ADH4: variants seen among roughly 807,000 people sequenced by gnomAD.
The protein encoded by ADH4 is alcohol dehydrogenase 4 (class II), pi polypeptide.
In ADH4, 31 loss-of-function variants were observed where a neutral mutation model predicts 35.2. The ratio of observed to expected loss-of-function variants is 0.88; its 90% CI spans 0.66 to 1.19. The LOEUF is 1.19. ADH4 is among the 50% of genes most tolerant of loss of function. ADH4 has a pLI of 0.00. For synonymous variants in ADH4, 171 were observed against 160.2 expected (o/e 1.07, Z -0.51); for missense variants, 476 against 458.3 (o/e 1.04, Z -0.35).
intron 8 of ADH4, 92 bp from the exon 9 acceptor site, chr4:99,124,558 C>A: frequency 1.3e-6 from 1 of 768,788 alleles, no homozygotes; most frequent in Non-Finnish European, 2.1e-6. Flanking sequence ...ATTTCAGGAT[C>A]TGGTCTTCCT....
At chr4:99,142,606 G>T in intron 2 of ADH4, 73 bp downstream of exon 2, 1 of 930,050 alleles carries the variant, frequency 1.1e-6, no homozygotes, top group Non-Finnish European at 1.5e-6. Context: ...ATAGCACAGA[G>T]GATTGACCTG....
chr4:99,130,405 A>T (rs29001216), intron 6 of ADH4, among the ~76,000 whole-genome samples: 32,024 of 152,114 alleles, frequency 0.21, 4,041 homozygotes, highest in Non-Finnish European at 0.29. Context: ...GGTCCTTAGC[A>T]GGTGTTAGTA....
chr4:99,124,509 T>C, intron 8 of ADH4, 43 bp from the exon 9 acceptor site: 1 of 1,244,058 alleles, frequency 8.0e-7, no homozygotes, highest in Admixed American at 2.2e-5. Flanking sequence ...ATTTTCATGA[T>C]AAATTTAACC....
intron 3 of ADH4, 38 bp downstream of exon 3, chr4:99,141,503 T>C (rs1168368846): frequency 6.3e-7 from 1 of 1,583,998 alleles, no homozygotes; most frequent in Admixed American, 1.8e-5. Context: ...CTCTGAAATA[T>C]TGTGACATTT....
rs533541664 is a variant in ADH4, at chr4:99,133,559, A to G, written c.583-1795T>C. The G allele has an allele frequency of 2.0e-5, 3 of 152,280 alleles. No homozygotes were observed. The East Asian group carries it at 5.8e-4, about 29-fold the overall frequency. 9.4% of individuals were successfully genotyped at this position (152,280 alleles called of 1,614,324 possible). A position where few individuals can be genotyped will look rare whatever the true frequency, so the allele number is the denominator to read the frequency against. ...TCCTTAATTTCTTCCTATCAGATTC[A>G]TTTCTCTCTGAGGATCTCATGAGGT... On this transcript the variant is annotated intron_variant, in intron 5 of 8. Coordinates refer to ENST00000265512, the MANE Select transcript of ADH4 (RefSeq NM_000670.5).
At position 99,124,316 on chromosome 4, in the gene ADH4, G is replaced by A. The variant is rs190646379; in HGVS notation, c.*126C>T. 41 of 668,116 alleles carry A rather than the reference G, an allele frequency of 6.1e-5. No individual in the cohort carries two copies. The highest frequency in any genetic ancestry group is 3.7e-4 in the Middle Eastern group (1 of 2,680). The allele number at this position is 668,116 out of a possible 1,614,324, so 41.4% of individuals were successfully genotyped here. A position where few individuals can be genotyped will look rare whatever the true frequency, so the allele number is the denominator to read the frequency against. On this transcript the variant is annotated 3_prime_UTR_variant, in exon 9 of 9. Transcript: ENST00000265512. The stretch of plus-strand genomic sequence containing the variant: ...TCTATAATATTTAAAGCTCTTTTAT[G>A]TTCCCATATTAAATGTAAATATTTG...
intron 4 of ADH4, 101 bp from the exon 5 acceptor site, chr4:99,136,798 G>T: frequency 1.3e-6 from 1 of 778,008 alleles, no homozygotes. Flanking sequence ...ATATATTTTT[G>T]ATGACAATTT....
At chr4:99,129,399 T>A (rs1033511657) in intron 6 of ADH4, among the ~76,000 whole-genome samples, 3 of 152,112 alleles carry the variant, frequency 2.0e-5, no homozygotes, top group Middle Eastern at 3.2e-3. Flanking sequence ...AAGAGGAATT[T>A]ATAAAAAAAT....
At chr4:99,125,062 A>G (rs1278222314) in intron 8 of ADH4, among the ~76,000 whole-genome samples, 1 of 152,144 alleles carries the variant, frequency 6.6e-6, no homozygotes, top group East Asian at 1.9e-4. Flanking sequence ...CTGTAGAAGG[A>G]GAATCTCTGT....
chr4:99,138,656 G>C (rs7670638), intron 4 of ADH4, among the ~76,000 whole-genome samples: 31,975 of 152,080 alleles, frequency 0.21, 4,038 homozygotes, highest in Non-Finnish European at 0.28. Flanking sequence ...GTATAGTATT[G>C]TTTTTGTATA....
Position 99,136,491 on chromosome 4 carries a change from T to C in ADH4, c.557A>G (p.Tyr186Cys), listed in dbSNP as rs1164139348. 2 of 1,613,976 alleles carry C rather than the reference T, an allele frequency of 1.2e-6. No homozygotes were observed. Among genetic ancestry groups the C allele is most frequent in the Non-Finnish European group, 1.7e-6 (2 of 1,180,012 alleles). The change falls in exon 5 of 9, where the codon TAT (tyrosine) becomes TGT (cysteine). Residue 186 changes from tyrosine to cysteine, a missense_variant. Tyr to Cys is a radical substitution (Grantham distance 194). Coordinates refer to ENST00000265512, the MANE Select transcript of ADH4 (RefSeq NM_000670.5). ...CLLGCGFSTG[Y>C]GAAINNAKVT... ...CTTGGCATTGTTGATTGCAGCCCCA[T>C]AGCCAGTTGAAAACCCACATCCAAG...
At position 99,127,240 on chromosome 4, in the gene ADH4, G is replaced by A. The variant is rs192270953; in HGVS notation, c.948C>T (p.Ile316=). 11 of 1,610,356 alleles carry A rather than the reference G, an allele frequency of 6.8e-6. No homozygotes were observed. Among genetic ancestry groups the A allele is most frequent in the African/African-American group, 1.3e-5 (1 of 74,638 alleles). ...AGAATGTTCCATTTATAGTACGGCCGATTATTAGCTCCTCTGGAAAAATAG... is the reference window on the plus strand; with the variant it reads ...AGAATGTTCCATTTATAGTACGGCCAATTATTAGCTCCTCTGGAAAAATAG... ...GLTIFPEELI[I]GRTINGTFFG... is the part of the protein sequence containing the mutation. The change falls in exon 7 of 9, where the codon ATC becomes ATT. Residue 316 remains isoleucine (I), a synonymous_variant. Transcript: ENST00000265512.
intron 5 of ADH4, among the ~76,000 whole-genome samples, chr4:99,132,347 G>A (rs1579396906): frequency 6.6e-6 from 1 of 152,120 alleles, no homozygotes. Context: ...TGCTCCCTCA[G>A]ACTGATGTAC....
intron 3 of ADH4, among the ~76,000 whole-genome samples, chr4:99,139,379 T>C (rs1729541228): frequency 6.6e-6 from 1 of 152,198 alleles, no homozygotes; most frequent in Non-Finnish European, 1.5e-5. Context: ...CAAATCTATG[T>C]TGATATCATC....
intron 2 of ADH4, 84 bp downstream of exon 2, chr4:99,142,595 C>G: frequency 1.3e-6 from 1 of 786,416 alleles, no homozygotes; most frequent in Non-Finnish European, 1.9e-6. Flanking sequence ...GCCTCTGAAT[C>G]ATAGCACAGA....
chr4:99,140,634 G>A (rs897932011), intron 3 of ADH4, among the ~76,000 whole-genome samples: 1 of 152,150 alleles, frequency 6.6e-6, no homozygotes, highest in African/African-American at 2.4e-5. Context: ...TTGGGAGGCC[G>A]AGGTGGGTGG....
chr4:99,132,009 T>C (rs1031695075), intron 5 of ADH4, among the ~76,000 whole-genome samples: 1 of 152,224 alleles, frequency 6.6e-6, no homozygotes, highest in African/African-American at 2.4e-5. Flanking sequence ...ATAATTCCCT[T>C]GTTTTACTTT....
In ADH4 at chr4:99,136,491, TA is replaced by T. The variant is rs1729435933; in HGVS notation, c.556del (p.Tyr186MetfsTer21). 6.2e-7 allele frequency: 1 copy of T among 1,614,094 alleles called. No individual in the cohort carries two copies. The highest frequency in any genetic ancestry group is 8.5e-7 in the Non-Finnish European group (1 of 1,180,004). On this transcript the variant is annotated frameshift_variant, in exon 5 of 9. Coordinates refer to ENST00000265512, the MANE Select transcript of ADH4 (RefSeq NM_000670.5). LOFTEE classifies it high-confidence loss of function. The part of the protein sequence containing the change: ...CLLGCGFSTG[Y>X]GAAINNAKVT... ...CTTGGCATTGTTGATTGCAGCCCCA[TA>T]GCCAGTTGAAAACCCACATCCAAGC...
intron 4 of ADH4, among the ~76,000 whole-genome samples, chr4:99,138,707 C>G (rs1012629009): frequency 1.6e-4 from 24 of 152,262 alleles, no homozygotes; most frequent in African/African-American, 5.8e-4. Flanking sequence ...TTGCTTATTT[C>G]CCTTAACATT....
Sources: allele counts gnomAD v4.1 joint callset (sites outside exome capture counted in the v4.1 genomes callset), GRCh38; gene constraint gnomAD v4.1.1; transcripts MANE v1.5; gene names NCBI Gene and HGNC (gene_info 2026-07-23, HGNC 2026-07-21).